The following SRPK2 variants were observed in gnomAD, a reference collection of about 807,000 sequenced individuals.
The protein encoded by SRPK2 is SFRS protein kinase 2.
Under a neutral mutation model 90.8 loss-of-function variants are expected in SRPK2, and 21 were observed. The ratio of observed to expected loss-of-function variants is 0.23; its 90% CI spans 0.16 to 0.33. The LOEUF is 0.33. Among genes scored for constraint, SRPK2 ranks in the 10% least tolerant of loss-of-function variants. The probability of loss-of-function intolerance (pLI) is 1.00; values close to 1 mark genes in which losing one functional copy is unlikely to be tolerated. For missense variants in SRPK2, 620 were observed against 869.0 expected (o/e 0.71, Z 3.60); for synonymous variants, 288 against 311.1 (o/e 0.93, Z 0.78).
intron 3 of SRPK2, among the ~76,000 whole-genome samples, chr7:105,173,475 C>A (rs933607054): frequency 6.6e-6 from 1 of 152,172 alleles, no homozygotes; most frequent in African/African-American, 2.4e-5. Context: ...TCCTCTAACA[C>A]CCATGCTGCC....
intron 2 of SRPK2, among the ~76,000 whole-genome samples, chr7:105,326,014 GC>G (rs968870987): frequency 6.6e-6 from 1 of 152,192 alleles, no homozygotes; most frequent in Non-Finnish European, 1.5e-5. Context: ...GCGGGACACT[GC>G]CCTACCGCAC....
At chr7:105,320,085 A>G (rs1383707229) in intron 2 of SRPK2, among the ~76,000 whole-genome samples, 2 of 152,140 alleles carry the variant, frequency 1.3e-5, no homozygotes, top group Non-Finnish European at 2.9e-5. Flanking sequence ...ATCTTCACAC[A>G]GTTACATTTT....
At chr7:105,287,762 A>G (rs564316661) in intron 2 of SRPK2, among the ~76,000 whole-genome samples, 32 of 152,174 alleles carry the variant, frequency 2.1e-4, no homozygotes, top group Non-Finnish European at 4.1e-4. Flanking sequence ...AAATAACTAT[A>G]AAATGATATT....
intron 2 of SRPK2, chr7:105,297,363 G>T: frequency 1.6e-6 from 1 of 639,620 alleles, no homozygotes; most frequent in Non-Finnish European, 1.9e-6. Flanking sequence ...CACAAGTGCT[G>T]GAAACACAGG....
chr7:105,396,779 AG>A (rs1822337346), intron 1 of SRPK2, among the ~76,000 whole-genome samples: 1 of 142,624 alleles, frequency 7.0e-6, no homozygotes, highest in East Asian at 2.5e-4. Context: ...AAAGAAAGAG[AG>A]AGAAAGAAAG....
upstream of SRPK2, chr7:105,389,246 C>G (rs541489626): frequency 2.4e-6 from 3 of 1,255,190 alleles, no homozygotes; most frequent in Non-Finnish European, 3.1e-6. Flanking sequence ...CTCCGCACCC[C>G]GGCCGGTCGC....
chr7:105,247,629 C>T (rs2129629324), intron 2 of SRPK2, among the ~76,000 whole-genome samples: 2 of 151,696 alleles, frequency 1.3e-5, no homozygotes, highest in South Asian at 4.2e-4. Flanking sequence ...CAAAATATGA[C>T]AATTAAATGG....
intron 2 of SRPK2, among the ~76,000 whole-genome samples, chr7:105,255,219 C>G (rs959393300): frequency 3.3e-5 from 5 of 149,666 alleles, no homozygotes; most frequent in East Asian, 1.9e-4. Flanking sequence ...TTTCTCCTTA[C>G]AGATGAAAAG....
intron 2 of SRPK2, among the ~76,000 whole-genome samples, chr7:105,221,474 T>C (rs1233632516): frequency 6.6e-6 from 1 of 152,160 alleles, no homozygotes. Context: ...GATGATCTGG[T>C]TTACGAAAGC....
chr7:105,340,970 A>C (rs2131876421), intron 2 of SRPK2, among the ~76,000 whole-genome samples: 1 of 152,332 alleles, frequency 6.6e-6, no homozygotes, highest in South Asian at 2.1e-4. Flanking sequence ...TGCATACCTC[A>C]GTCAGCCAGT....
chr7:105,327,984 A>C (rs146624744), intron 2 of SRPK2, among the ~76,000 whole-genome samples: 18 of 152,256 alleles, frequency 1.2e-4, no homozygotes, highest in African/African-American at 4.3e-4. Flanking sequence ...TATCTGTAGT[A>C]AAAACGGGGT....
At chr7:105,244,932 C>A in intron 2 of SRPK2, 1 of 1,479,362 alleles carries the variant, frequency 6.8e-7, no homozygotes, top group Non-Finnish European at 9.3e-7. Context: ...AAGCAACGTC[C>A]TGGCCGCCAT....
chr7:105,114,770 C>G (rs748843084), downstream of SRPK2, among the ~76,000 whole-genome samples: 17 of 152,090 alleles, frequency 1.1e-4, no homozygotes, highest in Non-Finnish European at 1.9e-4. Context: ...CTATTTATTT[C>G]CTTTTGAAAA....
chr7:105,189,449 A>C (rs1793998218), intron 3 of SRPK2: 1 of 153,928 alleles, frequency 6.5e-6, no homozygotes, highest in Non-Finnish European at 1.4e-5. Flanking sequence ...CAGCTGCTCC[A>C]GCTGAGGAGA....
chr7:105,257,527 C>G (rs1803498663), intron 2 of SRPK2, among the ~76,000 whole-genome samples: 1 of 152,210 alleles, frequency 6.6e-6, no homozygotes, highest in Admixed American at 6.5e-5. Context: ...GAGGTTCTTT[C>G]AATCTGTCTG....
In SRPK2 at chr7:105,142,254, C is replaced by G; in HGVS notation, c.1297G>C (p.Glu433Gln). The G allele has an allele frequency of 6.2e-7, 1 of 1,614,202 alleles. No homozygotes were observed. Among genetic ancestry groups the G allele is most frequent in the Non-Finnish European group, 8.5e-7 (1 of 1,180,042 alleles). Residue 433 changes from glutamate (E) to glutamine (Q), a missense_variant, in exon 11 of 16, where the codon GAA (glutamate) becomes CAA (glutamine). Around this residue, in one of 8 missense-constraint regions of SRPK2, gnomAD observed 243 missense variants for 245.7 expected, o/e 0.99. Coordinates refer to ENST00000393651, the MANE Select transcript of SRPK2 (RefSeq NM_182692.3). Reference sequence around the variant, plus strand: ...GAGCTGCTATATGTGTAATCACTTTCTGCATTTGGCTCATCAAGATTATAT... The same window carrying G: ...GAGCTGCTATATGTGTAATCACTTTGTGCATTTGGCTCATCAAGATTATAT... The part of the protein sequence containing the change: ...EEYNLDEPNA[E>Q]SDYTYSSSYE...
At position 105,376,140 on chromosome 7, in the gene SRPK2, G is replaced by A. The variant is rs552051388; in HGVS notation, c.71+12508C>T. On this transcript the variant is annotated intron_variant, in intron 2 of 15. Coordinates refer to ENST00000393651, the MANE Select transcript of SRPK2 (RefSeq NM_182692.3). ...CTCCCGTGCAGCTGGGACTACAGGC[G>A]CCCGCCACCACACCCAGCAAATTTT... 1.9e-3 allele frequency among the ~76,000 whole-genome samples: 289 copies of A among 151,310 alleles called. 1 individual carries two copies. The highest frequency in any genetic ancestry group is 3.0e-3 in the Non-Finnish European group (203 of 67,804).
chr7:105,210,535 T>C (rs1193586951), intron 2 of SRPK2, among the ~76,000 whole-genome samples: 1 of 152,190 alleles, frequency 6.6e-6, no homozygotes, highest in African/African-American at 2.4e-5. Flanking sequence ...TTTCATGTAT[T>C]CCTCTTTAAT....
At chr7:105,230,199 A>G (rs1799252159) in intron 2 of SRPK2, among the ~76,000 whole-genome samples, 1 of 152,256 alleles carries the variant, frequency 6.6e-6, no homozygotes, top group Non-Finnish European at 1.5e-5. Context: ...GAAAGGTACA[A>G]ATGAGAATGA....
Sources: allele counts gnomAD v4.1 joint callset (sites outside exome capture counted in the v4.1 genomes callset), GRCh38; gene constraint gnomAD v4.1.1; regional missense constraint gnomAD v4.1.1; transcripts MANE v1.5; gene names NCBI Gene and HGNC (gene_info 2026-07-23, HGNC 2026-07-21).